OPCML: variants seen among roughly 807,000 people sequenced by gnomAD.
OPCML encodes the protein opioid-binding protein/cell adhesion molecule.
A neutral mutation model predicts 37.8 loss-of-function variants in OPCML; 13 were observed. That is an observed-to-expected ratio of 0.34 (90% CI 0.22 to 0.55). The LOEUF (loss-of-function observed/expected upper bound fraction) is 0.55. Ranked by LOEUF, OPCML falls within the 20% of genes least tolerant of loss-of-function variation. The pLI is 0.91. For synonymous variants in OPCML, 176 were observed against 168.8 expected, an observed-to-expected ratio of 1.04 and a Z score of -0.33; for missense variants, 341 against 435.6, an observed-to-expected ratio of 0.78 and a Z score of 1.93.
intron 2 of OPCML, among the ~76,000 whole-genome samples, chr11:132,868,219 T>C (rs1421519555): frequency 3.3e-5 from 5 of 150,506 alleles, no homozygotes; most frequent in Non-Finnish European, 2.9e-5. Flanking sequence ...AGGTCAAAAA[T>C]AGAAATGATG....
At chr11:132,773,647 A>T (rs917545956) in intron 2 of OPCML, among the ~76,000 whole-genome samples, 1 of 152,192 alleles carries the variant, frequency 6.6e-6, no homozygotes, top group African/African-American at 2.4e-5. Flanking sequence ...ATATTCTAGA[A>T]GTTTCTTCAC....
At chr11:133,115,404 A>C (rs1736917317) in intron 1 of OPCML, among the ~76,000 whole-genome samples, 1 of 152,204 alleles carries the variant, frequency 6.6e-6, no homozygotes, top group African/African-American at 2.4e-5. Context: ...TTTCCGAGGA[A>C]CCGATCTCCC....
chr11:132,828,358 C>A (rs1274617221), intron 2 of OPCML, among the ~76,000 whole-genome samples: 1 of 152,072 alleles, frequency 6.6e-6, no homozygotes, highest in African/African-American at 2.4e-5. Context: ...GAGCGCACAG[C>A]ACCAAGAGTG....
chr11:132,532,527 A>G (rs930349489), intron 3 of OPCML, among the ~76,000 whole-genome samples: 1 of 152,188 alleles, frequency 6.6e-6, no homozygotes, highest in Non-Finnish European at 1.5e-5. Context: ...GAAGAAACTG[A>G]GGCATGGGGA....
At chr11:133,144,408 GT>G (rs1480970146) in intron 1 of OPCML, among the ~76,000 whole-genome samples, 2 of 152,216 alleles carry the variant, frequency 1.3e-5, no homozygotes, top group African/African-American at 4.8e-5. Context: ...CAGCAATAAT[GT>G]TTTATTTCTT....
rs145046689 is a variant in OPCML, at chr11:132,824,432, T to C, written c.146+118494A>G. Among the ~76,000 whole-genome samples, 422 of 152,344 alleles carry C rather than the reference T, an allele frequency of 2.8e-3. 3 individuals carry two copies. The highest frequency in any genetic ancestry group is 9.7e-3 in the African/African-American group (402 of 41,592). On this transcript the variant is annotated intron_variant, in intron 2 of 7. Transcript: ENST00000524381. Reference sequence around the variant, plus strand: ...AGCCAAGTCAGCCTCAGTTCTCGCTTGGACACTGTAACGGTACAGTTAGTC... The same window carrying C: ...AGCCAAGTCAGCCTCAGTTCTCGCTCGGACACTGTAACGGTACAGTTAGTC...
At chr11:132,849,753 A>G (rs1439567421) in intron 2 of OPCML, among the ~76,000 whole-genome samples, 2 of 152,180 alleles carry the variant, frequency 1.3e-5, no homozygotes, top group African/African-American at 2.4e-5. Context: ...GACATGGTTC[A>G]CAGCTGGCAA....
intron 1 of OPCML, chr11:133,024,954 G>A (rs181635114): frequency 2.0e-6 from 2 of 985,400 alleles, no homozygotes; most frequent in Non-Finnish European, 2.4e-6. Context: ...AATGCGCACT[G>A]CAGAGCCTAT....
At chr11:133,034,783 G>A (rs1294946865) in intron 1 of OPCML, among the ~76,000 whole-genome samples, 1 of 149,906 alleles carries the variant, frequency 6.7e-6, no homozygotes, top group African/African-American at 2.5e-5. Context: ...TGTTACTAAG[G>A]AACAAGTACT....
At position 133,063,820 on chromosome 11, in the gene OPCML, C is replaced by T. The variant is rs558941481; in HGVS notation, c.62-120810G>A. Among the ~76,000 whole-genome samples the T allele has an allele frequency of 4.6e-5, 7 of 152,264 alleles. No individual in the cohort carries two copies. In the South Asian group the frequency reaches 1.2e-3, roughly 27 times the overall value. On this transcript the variant is annotated intron_variant, in intron 1 of 7. Coordinates refer to ENST00000524381, the MANE Select transcript of OPCML (RefSeq NM_001012393.5). ...CAGGTGATCCACCCACCTTGGCCTC[C>T]CAAAGTGCTGGGATTACAGGGGTGA...
At chr11:132,781,513 T>A (rs1947012459) in intron 2 of OPCML, among the ~76,000 whole-genome samples, 1 of 151,962 alleles carries the variant, frequency 6.6e-6, no homozygotes, top group African/African-American at 2.4e-5. Flanking sequence ...CTGTGGGACT[T>A]CTCAGCCTCC....
At chr11:132,440,809 G>T (rs1039345885) in intron 4 of OPCML, among the ~76,000 whole-genome samples, 3 of 152,206 alleles carry the variant, frequency 2.0e-5, no homozygotes, top group Non-Finnish European at 4.4e-5. Context: ...TACTTTGAAT[G>T]CTGGGTGAAA....
chr11:132,773,203 T>A (rs1426659031), intron 2 of OPCML: 1 of 152,118 alleles, frequency 6.6e-6, no homozygotes, highest in Middle Eastern at 3.2e-3. Context: ...CACTCAGCAG[T>A]GCTGAGATAG....
chr11:132,497,493 A>G (rs776057787), intron 4 of OPCML, among the ~76,000 whole-genome samples: 1 of 152,100 alleles, frequency 6.6e-6, no homozygotes, highest in Non-Finnish European at 1.5e-5. Context: ...GTGATGTGGA[A>G]AGGTTGCTGT....
At chr11:132,567,453 G>A (rs1169109987) in intron 3 of OPCML, among the ~76,000 whole-genome samples, 1 of 152,114 alleles carries the variant, frequency 6.6e-6, no homozygotes, top group Non-Finnish European at 1.5e-5. Context: ...CGGGAGAGAG[G>A]TGGAGGGATG....
At chr11:133,501,627 T>C (rs1947917137) in intron 1 of OPCML, among the ~76,000 whole-genome samples, 1 of 152,018 alleles carries the variant, frequency 6.6e-6, no homozygotes, top group Admixed American at 6.5e-5. Context: ...AAGGAACTAC[T>C]TGGGGGAAGT....
chr11:132,772,348 T>C (rs1018573082), intron 2 of OPCML: 2 of 152,206 alleles, frequency 1.3e-5, no homozygotes, highest in Non-Finnish European at 2.9e-5. Flanking sequence ...CCCGTGCACA[T>C]GCTGGCGACG....
Position 133,402,250 on chromosome 11 carries a change from T to TTA in OPCML, c.61+130013_61+130014insTA, listed in dbSNP as rs567081610. ...CAAGAGTTTCCTGAACCTGATTTTATAAAAAAAAACCCTTCTGGCAATAAC... is the reference window on the plus strand; with the variant it reads ...CAAGAGTTTCCTGAACCTGATTTTATTAAAAAAAAAACCCTTCTGGCAATAAC... On this transcript the variant is annotated intron_variant, in intron 1 of 7. Transcript: ENST00000524381. Among the ~76,000 whole-genome samples, 406 of 147,150 alleles carry TTA rather than the reference T, an allele frequency of 2.8e-3. 2 individuals carry two copies. The highest frequency in any genetic ancestry group is 0.01 in the African/African-American group (376 of 37,552).
chr11:133,377,051 G>A (rs1372225273), intron 1 of OPCML, among the ~76,000 whole-genome samples: 2 of 152,128 alleles, frequency 1.3e-5, no homozygotes, highest in East Asian at 1.9e-4. Flanking sequence ...ACTATGTAGT[G>A]TAGTGTTTCG....
Sources: gnomAD v4.1 joint callset for allele counts (sites outside exome capture counted in the v4.1 genomes callset) on GRCh38, gnomAD v4.1.1 for gene constraint, MANE v1.5 for transcripts, NCBI Gene and HGNC (gene_info 2026-07-23, HGNC 2026-07-21) for gene names.